Variants in ITIH5 observed in about 807,000 individuals in gnomAD.
The protein encoded by ITIH5 is inter-alpha-trypsin inhibitor heavy chain 5.
In ITIH5, 65 loss-of-function variants were observed where a neutral mutation model predicts 77.5. That is an observed-to-expected ratio of 0.84 (90% CI 0.69 to 1.03). The LOEUF (loss-of-function observed/expected upper bound fraction) is 1.03, where lower values mean the gene tolerates loss of function less well. Ranked by LOEUF, ITIH5 falls within the 50% of genes least tolerant of loss-of-function variation. ITIH5 has a pLI of 0.00. For missense variants in ITIH5, 1,208 were observed against 1,213.1 expected (o/e 1.00, Z 0.06); for synonymous variants, 525 against 494.3 (o/e 1.06, Z -0.82).
chr10:7,576,157 T>G (rs1285714265), intron 10 of ITIH5, among the ~76,000 whole-genome samples: 2 of 152,148 alleles, frequency 1.3e-5, no homozygotes, highest in Admixed American at 1.3e-4. Flanking sequence ...CCTGAGTAGC[T>G]GAGACTACAG....
chr10:7,575,404 T>C (rs1423848173), intron 10 of ITIH5, among the ~76,000 whole-genome samples: 2 of 152,140 alleles, frequency 1.3e-5, no homozygotes, highest in Admixed American at 1.3e-4. Flanking sequence ...GAGGAATAAA[T>C]GGGACAGCAT....
chr10:7,600,537 T>C (rs1197950642), intron 7 of ITIH5: 4 of 456,622 alleles, frequency 8.8e-6, no homozygotes, highest in Admixed American at 4.7e-5. Context: ...ACCTTGGCCT[T>C]TGCCTTCCCT....
intron 1 of ITIH5, among the ~76,000 whole-genome samples, 200 bp downstream of exon 1, chr10:7,666,603 T>C (rs1490635125): frequency 6.6e-6 from 1 of 152,198 alleles, no homozygotes; most frequent in Non-Finnish European, 1.5e-5. Context: ...GGCACAGTTC[T>C]GCAGGAAGCC....
chr10:7,640,885 G>T, intron 3 of ITIH5, 30 bp from the exon 4 acceptor site: 1 of 1,450,758 alleles, frequency 6.9e-7, no homozygotes, highest in Non-Finnish European at 9.7e-7. Context: ...TGTGCTACCA[G>T]CTTGCAGTTC....
At chr10:7,613,172 G>A (rs535119465) in intron 7 of ITIH5, among the ~76,000 whole-genome samples, 30 of 151,852 alleles carry the variant, frequency 2.0e-4, no homozygotes, top group African/African-American at 7.0e-4. Context: ...CTTGAACCCA[G>A]GAGGCAGAGG....
At chr10:7,573,587 G>C (rs1164180207) in intron 10 of ITIH5, among the ~76,000 whole-genome samples, 1 of 146,502 alleles carries the variant, frequency 6.8e-6, no homozygotes, top group Non-Finnish European at 1.5e-5. Context: ...GAGGTGGGAG[G>C]ATCACTTGAG....
intron 3 of ITIH5, 52 bp from the exon 4 acceptor site, chr10:7,640,907 C>G (rs17142884): frequency 0.15 from 181,127 of 1,174,136 alleles, 14,672 homozygotes; most frequent in South Asian, 0.22. Context: ...AAGACAAATT[C>G]AGACATGGAT....
Position 7,644,643 on chromosome 10 carries a change from TCATATATATCA to T in ITIH5, c.136-2564_136-2554del, listed in dbSNP as rs1452941184. ...ATATATCACATATATCACATATATA[TCATATATATCA>T]CATATATATCATATATATCACATAT... On this transcript the variant is annotated intron_variant, in intron 2 of 13. Transcript: ENST00000397146. 4.6e-4 allele frequency among the ~76,000 whole-genome samples: 37 copies of T among 81,224 alleles called. 1 individual carries two copies. The South Asian group carries it at 0.015, about 33-fold the overall frequency. The allele number at this position is 81,224 out of a possible 152,430, so 53.3% of individuals were successfully genotyped here.
chr10:7,647,912 C>T (rs1834031843), intron 2 of ITIH5, among the ~76,000 whole-genome samples: 1 of 151,988 alleles, frequency 6.6e-6, no homozygotes, highest in Non-Finnish European at 1.5e-5. Context: ...CCCCAATGGC[C>T]ATCCAAAGCC....
chr10:7,565,511 A>G (rs1017187212), intron 13 of ITIH5, among the ~76,000 whole-genome samples: 14 of 150,284 alleles, frequency 9.3e-5, no homozygotes, highest in Admixed American at 6.0e-4. Flanking sequence ...ATATGTGTGC[A>G]TATATAGACT....
At chr10:7,598,777 A>C (rs1832958846) in intron 7 of ITIH5, among the ~76,000 whole-genome samples, 1 of 152,236 alleles carries the variant, frequency 6.6e-6, no homozygotes. Flanking sequence ...TACCACTTCA[A>C]GACTGGTCCT....
chr10:7,634,801 C>T (rs1041967319), intron 5 of ITIH5, among the ~76,000 whole-genome samples: 4 of 152,188 alleles, frequency 2.6e-5, no homozygotes, highest in African/African-American at 7.2e-5. Flanking sequence ...ACACACTTCA[C>T]AGATACTCTA....
At chr10:7,596,456 C>G (rs1832899199) in intron 7 of ITIH5, among the ~76,000 whole-genome samples, 1 of 152,180 alleles carries the variant, frequency 6.6e-6, no homozygotes, top group African/African-American at 2.4e-5. Context: ...TTTTCTCAAA[C>G]CATATTTGAT....
At chr10:7,637,549 C>T (rs1211070557) in intron 4 of ITIH5, 71 bp from the exon 5 acceptor site, 2 of 1,495,856 alleles carry the variant, frequency 1.3e-6, no homozygotes, top group African/African-American at 1.4e-5. Context: ...TCAGTCCCCA[C>T]AGGGCACCAG....
chr10:7,576,030 G>A (rs1444016825), intron 10 of ITIH5, among the ~76,000 whole-genome samples: 1 of 151,984 alleles, frequency 6.6e-6, no homozygotes, highest in East Asian at 1.9e-4. Context: ...CTTTTTGGTT[G>A]GTTGTTTTTT....
intron 7 of ITIH5, among the ~76,000 whole-genome samples, chr10:7,612,873 G>T (rs1370798973): frequency 6.6e-6 from 1 of 152,126 alleles, no homozygotes; most frequent in Non-Finnish European, 1.5e-5. Flanking sequence ...AGAAGCCATG[G>T]TTATTCTTCT....
chr10:7,571,256 G>A (rs1832291203), intron 11 of ITIH5: 2 of 152,080 alleles, frequency 1.3e-5, no homozygotes, highest in African/African-American at 4.8e-5. Context: ...CATTTTTCAG[G>A]CATGCACGCA....
rs12244143 is a variant in ITIH5, at chr10:7,562,830, T to C, written c.*253A>G. ...TTAGCTATGACCCTTCTCTCCCCTC[T>C]GTGGATGTGGGCAGGGTGGGGAGAG... On this transcript the variant is annotated 3_prime_UTR_variant, in exon 14 of 14. Transcript: ENST00000397146. The C allele has an allele frequency of 4.1e-3, 2,278 of 550,982 alleles. 54 individuals carry two copies. The highest frequency in any genetic ancestry group is 0.04 in the African/African-American group (2,119 of 53,072). The allele number at this position is 550,982 out of a possible 1,614,324, so 34.1% of individuals were successfully genotyped here.
At chr10:7,611,242 T>G (rs571273259) in intron 7 of ITIH5, among the ~76,000 whole-genome samples, 4 of 152,390 alleles carry the variant, frequency 2.6e-5, no homozygotes, top group Admixed American at 6.5e-5. Flanking sequence ...AAAATGGGGA[T>G]GACAACTAAA....
Sources: allele counts gnomAD v4.1 joint callset (sites outside exome capture counted in the v4.1 genomes callset), GRCh38; gene constraint gnomAD v4.1.1; transcripts MANE v1.5; gene names NCBI Gene and HGNC (gene_info 2026-07-23, HGNC 2026-07-21).